The following ELOVL6 variants were observed in gnomAD, a reference collection of about 807,000 sequenced individuals.
ELOVL6 encodes the protein very long chain fatty acid elongase 6.
ELOVL6 carries 8 observed loss-of-function variants against 31.7 expected under a neutral mutation model. That is an observed-to-expected ratio of 0.25 (90% CI 0.15 to 0.45). The LOEUF (loss-of-function observed/expected upper bound fraction) is 0.45. ELOVL6 is among the 20% of genes least tolerant of loss of function. The pLI is 1.00. For missense variants in ELOVL6, 126 were observed against 326.4 expected, an observed-to-expected ratio of 0.39 and a Z score of 4.73; for synonymous variants, 101 against 117.7, an observed-to-expected ratio of 0.86 and a Z score of 0.92.
At chr4:110,108,581 G>C (rs1756950063) in intron 1 of ELOVL6, among the ~76,000 whole-genome samples, 1 of 152,164 alleles carries the variant, frequency 6.6e-6, no homozygotes, top group Non-Finnish European at 1.5e-5. Flanking sequence ...TGCAAGCAAG[G>C]AACCTTAGAG....
intron 3 of ELOVL6, among the ~76,000 whole-genome samples, chr4:110,054,041 C>T (rs1754908586): frequency 1.3e-5 from 2 of 152,108 alleles, no homozygotes; most frequent in Non-Finnish European, 2.9e-5. Flanking sequence ...GCGGAGGTTG[C>T]AGTGAGCCAA....
At chr4:110,068,210 A>T (rs1282579898) in intron 2 of ELOVL6, among the ~76,000 whole-genome samples, 2 of 152,246 alleles carry the variant, frequency 1.3e-5, no homozygotes, top group African/African-American at 4.8e-5. Context: ...TTAGGCCTTC[A>T]GGCACGAAGT....
chr4:110,183,858 T>G (rs1476343968), intron 1 of ELOVL6, among the ~76,000 whole-genome samples: 34 of 152,290 alleles, frequency 2.2e-4, no homozygotes, highest in Non-Finnish European at 8.8e-5. Flanking sequence ...GGTGTATGCC[T>G]GTGGTCCCAG....
At chr4:110,140,268 G>C (rs1462208975) in intron 1 of ELOVL6, among the ~76,000 whole-genome samples, 1 of 152,114 alleles carries the variant, frequency 6.6e-6, no homozygotes, top group Non-Finnish European at 1.5e-5. Context: ...GTTTATTTCT[G>C]CAACTGCAAT....
At chr4:110,084,401 G>GATATATATCGCATATATGAT (rs1306585444) in intron 2 of ELOVL6, among the ~76,000 whole-genome samples, 5 of 17,522 alleles carry the variant, frequency 2.9e-4, no homozygotes, top group African/African-American at 6.6e-4. Context: ...TATGATATAT[G>GATATATATCGCATATATGAT]ATATATGACA....
chr4:110,084,446 TCG>T lies in ELOVL6; in HGVS notation c.221+21049_221+21050del, dbSNP rs1491296637. On this transcript the variant is annotated intron_variant, in intron 2 of 3. Transcript: ENST00000302274. ...TATCACATATATCATATATGATATA[TCG>T]CATATATCATATATGATATATAACA... Among the ~76,000 whole-genome samples the T allele has an allele frequency of 2.3e-3, 304 of 129,374 alleles. 6 individuals carry two copies. Among genetic ancestry groups the T allele is most frequent in the African/African-American group, 8.9e-3 (294 of 33,220 alleles). 84.9% of individuals were successfully genotyped at this position (129,374 alleles called of 152,430 possible). A position where few individuals can be genotyped will look rare whatever the true frequency, so the allele number is the denominator to read the frequency against.
chr4:110,081,285 G>C (rs1578462242), intron 2 of ELOVL6, among the ~76,000 whole-genome samples: 2 of 152,238 alleles, frequency 1.3e-5, no homozygotes, highest in Non-Finnish European at 2.9e-5. Flanking sequence ...GCATTGCCAA[G>C]TCAATCCTAA....
At chr4:110,136,575 T>C (rs1198728212) in intron 1 of ELOVL6, among the ~76,000 whole-genome samples, 2 of 152,194 alleles carry the variant, frequency 1.3e-5, no homozygotes, top group Non-Finnish European at 2.9e-5. Flanking sequence ...GAAGATTTTC[T>C]TTATTTACTC....
At chr4:110,140,113 A>G (rs527658044) in intron 1 of ELOVL6, among the ~76,000 whole-genome samples, 1 of 152,146 alleles carries the variant, frequency 6.6e-6, no homozygotes, top group African/African-American at 2.4e-5. Context: ...TGCCCATGCC[A>G]CTTTGGAGAT....
At chr4:110,141,455 G>A (rs1445173311) in intron 1 of ELOVL6, among the ~76,000 whole-genome samples, 1 of 152,014 alleles carries the variant, frequency 6.6e-6, no homozygotes. Context: ...AAATGCAACT[G>A]AAACAGTAGT....
chr4:110,080,092 A>T (rs1036205402), intron 2 of ELOVL6, among the ~76,000 whole-genome samples: 2 of 148,160 alleles, frequency 1.3e-5, no homozygotes, highest in African/African-American at 2.5e-5. Context: ...AATTGAGGCA[A>T]TAATTAATAG....
intron 1 of ELOVL6, among the ~76,000 whole-genome samples, chr4:110,194,710 G>A (rs1759721828): frequency 6.6e-6 from 1 of 152,106 alleles, no homozygotes. Flanking sequence ...ATTAATTTGC[G>A]CTATGGTTAG....
At chr4:110,077,022 G>T (rs913344221) in intron 2 of ELOVL6, among the ~76,000 whole-genome samples, 3 of 152,184 alleles carry the variant, frequency 2.0e-5, no homozygotes, top group Non-Finnish European at 4.4e-5. Context: ...CTGCAAGGCC[G>T]CAGCGAGGCT....
intron 1 of ELOVL6, 111 bp from the exon 2 acceptor site, chr4:110,105,739 C>T: frequency 2.0e-6 from 2 of 981,196 alleles, no homozygotes; most frequent in Non-Finnish European, 3.0e-6. Flanking sequence ...TGAGAATATT[C>T]CTGCTTCACT....
chr4:110,146,323 C>T (rs2126263487), intron 1 of ELOVL6: 1 of 152,238 alleles, frequency 6.6e-6, no homozygotes, highest in Non-Finnish European at 1.5e-5. Flanking sequence ...ATACCATGTA[C>T]AAAAATTACT....
intron 1 of ELOVL6, among the ~76,000 whole-genome samples, chr4:110,177,898 C>T (rs1759159000): frequency 6.6e-6 from 1 of 152,156 alleles, no homozygotes; most frequent in Non-Finnish European, 1.5e-5. Flanking sequence ...CCAAAAATGA[C>T]ATAATCCATG....
At chr4:110,148,492 C>T (rs574229318) in intron 1 of ELOVL6, among the ~76,000 whole-genome samples, 7 of 64,074 alleles carry the variant, frequency 1.1e-4, no homozygotes, top group African/African-American at 3.3e-4. Flanking sequence ...GGGGGTTGTG[C>T]GGGGGAGGGG....
intron 2 of ELOVL6, among the ~76,000 whole-genome samples, chr4:110,094,508 C>T (rs28700239): frequency 2.5e-5 from 3 of 117,788 alleles, no homozygotes; most frequent in Non-Finnish European, 5.2e-5. Flanking sequence ...ATTATATATA[C>T]ATATATATAA....
chr4:110,188,969 TC>T (rs1299611382), intron 1 of ELOVL6, among the ~76,000 whole-genome samples: 1 of 151,770 alleles, frequency 6.6e-6, no homozygotes, highest in Non-Finnish European at 1.5e-5. Context: ...GTATCATTGC[TC>T]CTGAATGAAG....
Sources: allele counts gnomAD v4.1 joint callset (sites outside exome capture counted in the v4.1 genomes callset), GRCh38; gene constraint gnomAD v4.1.1; transcripts MANE v1.5; gene names NCBI Gene and HGNC (gene_info 2026-07-23, HGNC 2026-07-21).